PARD3: variants seen among roughly 807,000 people sequenced by gnomAD.
PARD3 encodes the protein par-3 family cell polarity regulator.
In PARD3, 75 loss-of-function variants were observed where a neutral mutation model predicts 155.4. That is an observed-to-expected ratio of 0.48 (90% CI 0.40 to 0.58). PARD3 has a LOEUF of 0.58. PARD3 is among the 20% of genes least tolerant of loss of function. The pLI is 0.00. For synonymous variants in PARD3, 576 were observed against 610.5 expected (o/e 0.94, Z 0.83); for missense variants, 1,642 against 1,721.7 (o/e 0.95, Z 0.82).
At position 34,665,704 on chromosome 10, in the gene PARD3, G is replaced by A. The variant is rs184784643; in HGVS notation, c.222+30614C>T. On this transcript the variant is annotated intron_variant, in intron 2 of 24. Coordinates refer to ENST00000374788, the MANE Select transcript of PARD3 (RefSeq NM_001184785.2). ...AATACAGAAATTAGCCTGGCATGGT[G>A]GCACGTGCCTATAGTTCCAGCTACT... Among the ~76,000 whole-genome samples the A allele has an allele frequency of 4.1e-4, 62 of 152,078 alleles. 1 individual carries two copies. Among genetic ancestry groups the A allele is most frequent in the African/African-American group, 1.4e-3 (60 of 41,454 alleles).
intron 1 of PARD3, among the ~76,000 whole-genome samples, chr10:34,807,209 G>C (rs963706279): frequency 1.3e-5 from 2 of 152,172 alleles, no homozygotes; most frequent in Non-Finnish European, 2.9e-5. Flanking sequence ...AGAAAGCAGG[G>C]ATTCCACACT....
At chr10:34,714,653 C>T (rs928500238) in intron 1 of PARD3, among the ~76,000 whole-genome samples, 4 of 152,170 alleles carry the variant, frequency 2.6e-5, no homozygotes, top group Admixed American at 1.3e-4. Context: ...TTGCAGGATA[C>T]TCCTACTCTT....
chr10:34,227,085 C>G (rs1564498906), intron 22 of PARD3, among the ~76,000 whole-genome samples: 1 of 152,162 alleles, frequency 6.6e-6, no homozygotes, highest in East Asian at 1.9e-4. Context: ...ACACAACCTA[C>G]AGAATGGGAA....
intron 24 of PARD3, among the ~76,000 whole-genome samples, chr10:34,118,429 C>G (rs765568898): frequency 3.3e-5 from 5 of 152,238 alleles, no homozygotes; most frequent in Non-Finnish European, 5.9e-5. Context: ...ACTGTAACCT[C>G]TGCTTCCCAG....
intron 22 of PARD3, among the ~76,000 whole-genome samples, chr10:34,243,597 G>C (rs2133678598): frequency 6.6e-6 from 1 of 152,244 alleles, no homozygotes; most frequent in East Asian, 1.9e-4. Flanking sequence ...CAGCACTTTG[G>C]GAGGCCAAGG....
chr10:34,443,915 T>C (rs2076601374), intron 5 of PARD3, among the ~76,000 whole-genome samples: 1 of 152,194 alleles, frequency 6.6e-6, no homozygotes, highest in Admixed American at 6.5e-5. Flanking sequence ...GACTTGACAC[T>C]GGATGGTGGG....
chr10:34,497,497 T>G (rs1281721717), intron 3 of PARD3, among the ~76,000 whole-genome samples: 2 of 152,174 alleles, frequency 1.3e-5, no homozygotes, highest in Non-Finnish European at 2.9e-5. Context: ...AGGATGACAG[T>G]GAGAGCTTTT....
chr10:34,296,141 T>C (rs750457264), intron 20 of PARD3, among the ~76,000 whole-genome samples: 16 of 152,192 alleles, frequency 1.1e-4, no homozygotes, highest in Non-Finnish European at 2.1e-4. Flanking sequence ...GACTAGGTTC[T>C]TCATTTAGAT....
chr10:34,478,738 T>C (rs758789545), intron 3 of PARD3, among the ~76,000 whole-genome samples: 26 of 152,120 alleles, frequency 1.7e-4, no homozygotes, highest in Non-Finnish European at 3.4e-4. Flanking sequence ...AGACAGGTTT[T>C]CTCCATGTTG....
At chr10:34,593,326 AT>A (rs2134388941) in intron 2 of PARD3, among the ~76,000 whole-genome samples, 1 of 152,316 alleles carries the variant, frequency 6.6e-6, no homozygotes, top group African/African-American at 2.4e-5. Flanking sequence ...CATTTAAAGG[AT>A]TTTTAAAATT....
At chr10:34,741,929 C>A (rs2095026014) in intron 1 of PARD3, among the ~76,000 whole-genome samples, 1 of 152,184 alleles carries the variant, frequency 6.6e-6, no homozygotes, top group Admixed American at 6.5e-5. Flanking sequence ...CTAAAAATTT[C>A]TTAAAATGTA....
chr10:34,268,478 A>AT (rs1224195339), intron 22 of PARD3, among the ~76,000 whole-genome samples: 11 of 77,168 alleles, frequency 1.4e-4, no homozygotes, highest in Non-Finnish European at 9.6e-5. Context: ...ACACATGCAC[A>AT]CTATGTTTAT....
At chr10:34,776,894 T>TG (rs1839629589) in intron 1 of PARD3, among the ~76,000 whole-genome samples, 1 of 143,498 alleles carries the variant, frequency 7.0e-6, no homozygotes, top group Non-Finnish European at 1.5e-5. Context: ...TGGAGTGCAA[T>TG]GGCACAATCT....
chr10:34,377,582 T>G (rs1366724799), intron 10 of PARD3, among the ~76,000 whole-genome samples: 5 of 151,872 alleles, frequency 3.3e-5, no homozygotes, highest in Non-Finnish European at 7.4e-5. Flanking sequence ...AGAGCGAGAC[T>G]CCATCTCATA....
intron 2 of PARD3, among the ~76,000 whole-genome samples, chr10:34,650,072 A>C (rs771272641): frequency 6.6e-6 from 1 of 152,208 alleles, no homozygotes; most frequent in South Asian, 2.1e-4. Flanking sequence ...AACCTCCTGA[A>C]GGCCCTGCCT....
chr10:34,815,016 GC>G lies in PARD3; in HGVS notation c.-22del. On this transcript the variant is annotated 5_prime_UTR_variant, in exon 1 of 25. Coordinates refer to ENST00000374788, the MANE Select transcript of PARD3 (RefSeq NM_001184785.2). ...TTCATGCCGCCGCCGCCGCGGGCGG[GC>G]CCGCGCCCCTCGCCGAGCGCAGCCG... 1 of 1,417,946 alleles carries G rather than the reference GC, an allele frequency of 7.1e-7. No homozygotes were observed. Among genetic ancestry groups the G allele is most frequent in the Non-Finnish European group, 9.3e-7 (1 of 1,080,760 alleles). 87.8% of individuals were successfully genotyped at this position (1,417,946 alleles called of 1,614,324 possible).
chr10:34,622,827 CTTTTTT>C (rs567045063), intron 2 of PARD3, among the ~76,000 whole-genome samples: 7 of 113,456 alleles, frequency 6.2e-5, no homozygotes, highest in Admixed American at 3.5e-4. Flanking sequence ...TTCTTTTTTT[CTTTTTT>C]TTTTTTTTTT....
chr10:34,495,835 G>GAA (rs34399388), intron 3 of PARD3, among the ~76,000 whole-genome samples: 49 of 118,814 alleles, frequency 4.1e-4, no homozygotes, highest in Non-Finnish European at 7.2e-4. Flanking sequence ...CTTTTAAAAA[G>GAA]AAAAAAAAAA....
At chr10:34,681,896 T>C (rs542752250) in intron 2 of PARD3, among the ~76,000 whole-genome samples, 6 of 147,932 alleles carry the variant, frequency 4.1e-5, no homozygotes, top group East Asian at 2.1e-4. Flanking sequence ...GCTGAGATTA[T>C]AGGCATGAGC....
Sources: allele counts gnomAD v4.1 joint callset (sites outside exome capture counted in the v4.1 genomes callset), GRCh38; gene constraint gnomAD v4.1.1; transcripts MANE v1.5; gene names NCBI Gene and HGNC (gene_info 2026-07-23, HGNC 2026-07-21).